The following COL12A1 variants were observed in gnomAD, a reference collection of about 807,000 sequenced individuals.
COL12A1 encodes collagen alpha-1(XII) chain.
In COL12A1, 114 loss-of-function variants were observed where a neutral mutation model predicts 349.7. The ratio of observed to expected loss-of-function variants is 0.33; its 90% CI spans 0.28 to 0.38. The LOEUF (loss-of-function observed/expected upper bound fraction) is 0.38. Ranked by LOEUF, COL12A1 falls within the 10% of genes least tolerant of loss-of-function variation. The pLI, the probability that COL12A1 is intolerant of heterozygous loss-of-function variation, is 1.00. For synonymous variants in COL12A1, 1,369 were observed against 1,329.0 expected (o/e 1.03, Z -0.66); for missense variants, 3,284 against 3,756.9 (o/e 0.87, Z 3.29).
chr6:75,201,238 T>C (rs1446663458), intron 2 of COL12A1, among the ~76,000 whole-genome samples: 1 of 152,134 alleles, frequency 6.6e-6, no homozygotes, highest in African/African-American at 2.4e-5. Flanking sequence ...CTCCAGAAGT[T>C]CCTCAAATAA....
chr6:75,138,971 GA>G lies in COL12A1; in HGVS notation c.4958-11del. On this transcript the variant is annotated splice_polypyrimidine_tract_variant and intron_variant, in intron 27 of 65. Transcript: ENST00000322507. ...GGGGCTGGCACGGGTCCTATCATGA[GA>G]AAAGGCAAGCAGACTAAGTTTTTGA... 6.2e-7 allele frequency: 1 copy of G among 1,612,742 alleles called. No individual in the cohort carries two copies.
intron 10 of COL12A1, among the ~76,000 whole-genome samples, chr6:75,182,170 A>G (rs1769346252): frequency 2.0e-5 from 3 of 152,072 alleles, no homozygotes; most frequent in Admixed American, 2.0e-4. Context: ...TGATAGTGCT[A>G]GGACAGTTAC....
At chr6:75,147,483 A>G (rs1767255646) in intron 23 of COL12A1, among the ~76,000 whole-genome samples, 192 bp downstream of exon 23, 1 of 152,200 alleles carries the variant, frequency 6.6e-6, no homozygotes, top group Non-Finnish European at 1.5e-5. Context: ...GAGCTCCATG[A>G]TGGCAGAATC....
At chr6:75,165,060 C>T (rs1463934045) in intron 14 of COL12A1, among the ~76,000 whole-genome samples, 1 of 152,096 alleles carries the variant, frequency 6.6e-6, no homozygotes, top group Non-Finnish European at 1.5e-5. Flanking sequence ...ATGCTGGCCA[C>T]TTTGTATATT....
intron 60 of COL12A1, among the ~76,000 whole-genome samples, chr6:75,094,037 G>A (rs557050927): frequency 2.0e-4 from 31 of 152,118 alleles, no homozygotes; most frequent in South Asian, 1.4e-3. Flanking sequence ...TAGGGTACAC[G>A]CAGTTTTTAA....
In COL12A1 at chr6:75,156,263, T is replaced by A. The variant is rs866489128; in HGVS notation, c.3244A>T (p.Thr1082Ser). The A allele has an allele frequency of 6.2e-7, 1 of 1,613,824 alleles. No individual in the cohort carries two copies. Among genetic ancestry groups the A allele is most frequent in the African/African-American group, 1.3e-5 (1 of 75,016 alleles). The change falls in exon 15 of 66, where the codon ACA becomes TCA. Residue 1082 changes from threonine (T) to serine (S), a missense_variant. By Grantham distance (58) the Thr-to-Ser change is moderately conservative. Coordinates refer to ENST00000322507, the MANE Select transcript of COL12A1 (RefSeq NM_004370.6). The part of the protein sequence containing the change: ...GEGKLRQGSG[T>S]TASRFKSPRN... ...TATAATTATTATTTCATACCTGTTG[T>A]TCCTGATCCTTGCCTAAGCTTTCCT... is the stretch of plus-strand genomic sequence containing the variant.
In COL12A1 at chr6:75,172,008, T is replaced by G. The variant is rs187150353; in HGVS notation, c.2710+3030A>C. On this transcript the variant is annotated intron_variant, in intron 13 of 65. Transcript: ENST00000322507. ...ACAATTTAGTTAGGAATTAACTGTA[T>G]TTTTTTAAGCAAACTTGCAAATTAT... 9.3e-4 allele frequency among the ~76,000 whole-genome samples: 142 copies of G among 152,350 alleles called. 1 individual carries two copies. In the East Asian group the frequency reaches 0.027, roughly 28 times the overall value.
Position 75,177,727 on chromosome 6 carries a change from A to G in COL12A1, c.2373T>C (p.Ser791=), listed in dbSNP as rs752359605. The change falls in exon 12 of 66, where the codon TCT becomes TCC. Residue 791 remains serine, a synonymous_variant. Coordinates refer to ENST00000322507, the MANE Select transcript of COL12A1 (RefSeq NM_004370.6). ...NLIPDTKYEV[S]VIPEYFSGPG... ...GTCCTGAGAAATATTCAGGAATTAC[A>G]GATACTTCATATTTCGTGTCTGGAA... 4.0e-5 allele frequency: 65 copies of G among 1,614,018 alleles called. No homozygotes were observed. The highest frequency in any genetic ancestry group is 5.4e-5 in the Non-Finnish European group (64 of 1,180,020).
rs1767412882 is a variant in COL12A1 at position 75,085,057 on chromosome 6, T to G, written c.*1490A>C. Reference sequence around the variant, plus strand: ...CCTGCAGAAACAAGGTTCTCTACAATCAGAAAGGGTACTCCTGGATGAGCA... The same window carrying G: ...CCTGCAGAAACAAGGTTCTCTACAAGCAGAAAGGGTACTCCTGGATGAGCA... On this transcript the variant is annotated 3_prime_UTR_variant, in exon 66 of 66. Transcript: ENST00000322507. 2.9e-6 allele frequency: 1 copy of G among 340,200 alleles called. No homozygotes were observed. The highest frequency in any genetic ancestry group is 2.2e-5 in the South Asian group (1 of 45,126). The allele number at this position is 340,200 out of a possible 1,614,324, so 21.1% of individuals were successfully genotyped here.
chr6:75,105,017 C>T (rs1341397920), intron 54 of COL12A1, among the ~76,000 whole-genome samples, 189 bp downstream of exon 54: 1 of 152,188 alleles, frequency 6.6e-6, no homozygotes, highest in Non-Finnish European at 1.5e-5. Context: ...ATGCCACAAT[C>T]AAATATTCTT....
chr6:75,093,801 C>T lies in COL12A1; in HGVS notation c.8649+1307G>A, dbSNP rs765282260. ...GATTTGTAGAAATCATCTTTATTGC[C>T]GATATTTAGAGATCATATTTCAAGT... is the stretch of plus-strand genomic sequence containing the variant. On this transcript the variant is annotated intron_variant, in intron 60 of 65. Transcript: ENST00000322507. Among the ~76,000 whole-genome samples, 6 of 151,658 alleles carry T rather than the reference C, an allele frequency of 4.0e-5. No individual in the cohort carries two copies. In the South Asian group the frequency reaches 6.2e-4, roughly 16 times the overall value.
chr6:75,086,949 G>A (rs952501676), intron 65 of COL12A1, among the ~76,000 whole-genome samples: 4 of 151,920 alleles, frequency 2.6e-5, no homozygotes, highest in Admixed American at 2.6e-4. Flanking sequence ...TGAAATGGTC[G>A]CCATTGACCA....
chr6:75,129,754 T>TA (rs1224051469), intron 37 of COL12A1, among the ~76,000 whole-genome samples: 3 of 152,234 alleles, frequency 2.0e-5, no homozygotes, highest in Non-Finnish European at 4.4e-5. Flanking sequence ...AATATTAACT[T>TA]AGACATTCCA....
rs759983887 is a variant in COL12A1 at position 75,133,833 on chromosome 6, A to AT, written c.5664+24dup. 12 of 1,613,026 alleles carry AT rather than the reference A, an allele frequency of 7.4e-6. No homozygotes were observed. The Admixed American group carries it at 1.7e-4, about 22-fold the overall frequency. On this transcript the variant is annotated intron_variant, in intron 33 of 65. Coordinates refer to ENST00000322507, the MANE Select transcript of COL12A1 (RefSeq NM_004370.6). ...TCAGCTACCATTTAAACAAACTAGC[A>AT]TTTTTTACTACAAGAAATAATTACC...
chr6:75,135,124 C>CA (rs549771260), intron 31 of COL12A1, among the ~76,000 whole-genome samples: 22 of 150,342 alleles, frequency 1.5e-4, no homozygotes, highest in Non-Finnish European at 3.0e-4. Context: ...AAATTTCATC[C>CA]AAAACACATT....
chr6:75,087,705 C>G lies in COL12A1; in HGVS notation c.9053G>C (p.Gly3018Ala). 6.2e-7 allele frequency: 1 copy of G among 1,608,566 alleles called. No individual in the cohort carries two copies. The highest frequency in any genetic ancestry group is 8.5e-7 in the Non-Finnish European group (1 of 1,178,392). Reference sequence around the variant, plus strand: ...AGGGGGGCCAGGGGGACCTCTTGAACCTGTGGACCCTGGTGGACCTGTTCT... The same window carrying G: ...AGGGGGGCCAGGGGGACCTCTTGAAGCTGTGGACCCTGGTGGACCTGTTCT... ...ESRTGPPGST[G>A]SRGPPGPPGR... Residue 3018 changes from glycine to alanine, a missense_variant, in exon 65 of 66, where the codon GGT becomes GCT. By Grantham distance (60) the Gly-to-Ala change is moderately conservative. Transcript: ENST00000322507.
intron 15 of COL12A1, 130 bp downstream of exon 15, chr6:75,156,127 T>C: frequency 8.7e-7 from 1 of 1,155,370 alleles, no homozygotes; most frequent in South Asian, 1.6e-5. Context: ...TATTTAGACA[T>C]TGTCTAGTAA....
chr6:75,164,055 A>G (rs1209930517), intron 14 of COL12A1, among the ~76,000 whole-genome samples: 1 of 152,226 alleles, frequency 6.6e-6, no homozygotes, highest in Non-Finnish European at 1.5e-5. Context: ...AATTTCCTCA[A>G]AAGTAGAGAA....
intron 8 of COL12A1, among the ~76,000 whole-genome samples, chr6:75,186,163 C>T (rs1409827624): frequency 6.6e-6 from 1 of 152,096 alleles, no homozygotes; most frequent in Non-Finnish European, 1.5e-5. Context: ...AAGAAACTAC[C>T]AACAGAGTAA....
Sources: gnomAD v4.1 joint callset for allele counts (sites outside exome capture counted in the v4.1 genomes callset) on GRCh38, gnomAD v4.1.1 for gene constraint, MANE v1.5 for transcripts, NCBI Gene and HGNC (gene_info 2026-07-23, HGNC 2026-07-21) for gene names.